Variants in MCPH1 observed in about 807,000 individuals in gnomAD.
MCPH1 encodes the protein microcephalin 1.
Under a neutral mutation model 84.5 loss-of-function variants are expected in MCPH1, and 104 were observed. The observed-to-expected ratio is 1.23, with a 90% CI of 1.05 to 1.45. MCPH1 has a LOEUF of 1.45. Ranked by LOEUF, MCPH1 falls within the 40% of genes most tolerant of loss-of-function variation. The pLI, the probability that MCPH1 is intolerant of heterozygous loss-of-function variation, is 0.00. For synonymous variants in MCPH1, 514 were observed against 366.8 expected (o/e 1.40, Z -4.58); for missense variants, 1,498 against 1,005.7 (o/e 1.49, Z -6.62).
At chr8:6,492,139 T>C (rs569087267) in intron 11 of MCPH1, among the ~76,000 whole-genome samples, 204 of 152,338 alleles carry the variant, frequency 1.3e-3, no homozygotes, top group African/African-American at 4.6e-3. Context: ...CCAGCACCTG[T>C]TGTTTCCTGA....
chr8:6,436,831 G>A (rs1359757089), intron 5 of MCPH1, among the ~76,000 whole-genome samples: 1 of 151,938 alleles, frequency 6.6e-6, no homozygotes, highest in African/African-American at 2.4e-5. Flanking sequence ...TTAGCTGGGA[G>A]TGGTGGCAGG....
chr8:6,631,399 A>G (rs1400453068), intron 13 of MCPH1, among the ~76,000 whole-genome samples: 1 of 152,198 alleles, frequency 6.6e-6, no homozygotes, highest in East Asian at 1.9e-4. Context: ...CAATCTATGG[A>G]GTAGGAGAAA....
chr8:6,505,966 TACATATTCTTTGTATATATAAAAAC>T (rs1187847398), intron 12 of MCPH1, among the ~76,000 whole-genome samples: 1 of 1,662 alleles, frequency 6.0e-4, no homozygotes, highest in Non-Finnish European at 3.5e-3. Context: ...TATAAAAACA[TACATATTCTTTGTATATATAAAAAC>T]ATATACATAT....
At position 6,455,184 on chromosome 8, in the gene MCPH1, T is replaced by G; in HGVS notation, c.1867T>G (p.Ser623Ala). ...AACAAGGCATGATGTTTTAGATGAC[T>G]CATGTGACGGCTTTAAGGACCTCAT... ...RPTRHDVLDD[S>A]CDGFKDLIKP... Residue 623 changes from serine to alanine, a missense_variant, in exon 9 of 14, where the codon TCA becomes GCA. By Grantham distance (99) the Ser-to-Ala change is moderately conservative. Transcript: ENST00000344683. The G allele has an allele frequency of 6.2e-7, 1 of 1,614,094 alleles. No homozygotes were observed. Among genetic ancestry groups the G allele is most frequent in the Non-Finnish European group, 8.5e-7 (1 of 1,179,976 alleles).
intron 6 of MCPH1, among the ~76,000 whole-genome samples, chr8:6,439,668 A>C (rs1469320645): frequency 1.3e-5 from 2 of 152,072 alleles, no homozygotes; most frequent in East Asian, 3.9e-4. Context: ...AACGGCTGGG[A>C]CTGTAATCCA....
intron 9 of MCPH1, among the ~76,000 whole-genome samples, chr8:6,466,830 C>G (rs1160345917): frequency 1.3e-5 from 2 of 151,378 alleles, no homozygotes; most frequent in Non-Finnish European, 2.9e-5. Flanking sequence ...CCCACCTTGG[C>G]CTTCCAAAGT....
At chr8:6,626,988 A>G in intron 13 of MCPH1, 1 of 969,226 alleles carries the variant, frequency 1.0e-6, no homozygotes, top group Non-Finnish European at 1.2e-6. Context: ...CATTGCCAAA[A>G]AAAAAAAAAA....
chr8:6,636,215 A>G, intron 13 of MCPH1, among the ~76,000 whole-genome samples: 1 of 151,848 alleles, frequency 6.6e-6, no homozygotes, highest in African/African-American at 2.4e-5. Flanking sequence ...TGGCACATGC[A>G]TGTAGTCCCA....
intron 12 of MCPH1, among the ~76,000 whole-genome samples, chr8:6,548,209 C>G (rs991571067): frequency 6.6e-6 from 1 of 152,052 alleles, no homozygotes; most frequent in African/African-American, 2.4e-5. Context: ...CTTTAGAAGG[C>G]CAAAGTTAGA....
rs1798273915 is a variant in MCPH1 at position 6,647,636 on chromosome 8, CATAA to C, written c.*4588_*4591del. On this transcript the variant is annotated 3_prime_UTR_variant, in exon 14 of 14. Transcript: ENST00000344683. ...CAACAACATGAATGAGCCTCAGAAA[CATAA>C]GTGAAAGAGGTCAGACACAAAAGAC... 6.6e-6 allele frequency: 1 copy of C among 151,840 alleles called. No individual in the cohort carries two copies. Among genetic ancestry groups the C allele is most frequent in the African/African-American group, 2.4e-5 (1 of 41,104 alleles). 9.4% of individuals were successfully genotyped at this position (151,840 alleles called of 1,614,324 possible). A position where few individuals can be genotyped will look rare whatever the true frequency, so the allele number is the denominator to read the frequency against.
At chr8:6,562,975 G>C in intron 12 of MCPH1, 6 of 1,547,588 alleles carry the variant, frequency 3.9e-6, no homozygotes, top group Non-Finnish European at 5.3e-6. Flanking sequence ...CAAACTTGAG[G>C]GCAAACACAC....
chr8:6,422,823 G>A (rs1016617308), intron 3 of MCPH1, among the ~76,000 whole-genome samples: 1 of 152,084 alleles, frequency 6.6e-6, no homozygotes, highest in Admixed American at 6.6e-5. Context: ...CGAGTAGCTG[G>A]GACTACCGGA....
intron 3 of MCPH1, among the ~76,000 whole-genome samples, chr8:6,419,262 G>A (rs760758638): frequency 3.3e-5 from 5 of 151,720 alleles, no homozygotes; most frequent in Non-Finnish European, 7.4e-5. Flanking sequence ...CTCTGTTGCC[G>A]AGGCTGGAAT....
At chr8:6,626,597 G>A (rs577452769) in intron 13 of MCPH1, 125 of 983,852 alleles carry the variant, frequency 1.3e-4, no homozygotes, top group Middle Eastern at 5.2e-4. Context: ...ACCTTTACCT[G>A]ATATTGATAA....
At chr8:6,491,774 G>C (rs954865427) in intron 11 of MCPH1, among the ~76,000 whole-genome samples, 2 of 151,958 alleles carry the variant, frequency 1.3e-5, no homozygotes, top group South Asian at 2.1e-4. Flanking sequence ...ATGGTTTCCA[G>C]CTTCATCCAT....
chr8:6,459,270 A>T (rs1806014949), intron 9 of MCPH1, among the ~76,000 whole-genome samples: 1 of 134,540 alleles, frequency 7.4e-6, no homozygotes, highest in Non-Finnish European at 1.5e-5. Flanking sequence ...GGAACTTAAC[A>T]CGGCCTTTTT....
At chr8:6,530,751 C>T (rs942979328) in intron 12 of MCPH1, among the ~76,000 whole-genome samples, 5 of 152,062 alleles carry the variant, frequency 3.3e-5, no homozygotes, top group Non-Finnish European at 5.9e-5. Flanking sequence ...ATTCTATTCT[C>T]TTATCTGTAA....
At chr8:6,408,586 G>T (rs1798074755) in intron 1 of MCPH1, among the ~76,000 whole-genome samples, 1 of 152,136 alleles carries the variant, frequency 6.6e-6, no homozygotes, top group Non-Finnish European at 1.5e-5. Context: ...TGCCCAGGCT[G>T]GAGTGCAATG....
In MCPH1 at chr8:6,409,315, G is replaced by T; in HGVS notation, c.59G>T (p.Gly20Val). 2 of 1,614,084 alleles carry T rather than the reference G, an allele frequency of 1.2e-6. No individual in the cohort carries two copies. Among genetic ancestry groups the T allele is most frequent in the South Asian group, 1.1e-5 (1 of 91,088 alleles). Residue 20 changes from glycine to valine, a missense_variant, in exon 2 of 14, where the codon GGA (glycine) becomes GTA (valine). Physicochemically the swap from Gly to Val is moderately radical, Grantham distance 109 (BLOSUM62 -3). Transcript: ENST00000344683. ...TATGTTGAAGTGTGGTCATCCAATGGAACAGAAAATTATTCAAAGACATTT... is the reference window on the plus strand; with the variant it reads ...TATGTTGAAGTGTGGTCATCCAATGTAACAGAAAATTATTCAAAGACATTT... ...VAYVEVWSSN[G>V]TENYSKTFTT...
Sources: allele counts gnomAD v4.1 joint callset (sites outside exome capture counted in the v4.1 genomes callset), GRCh38; gene constraint gnomAD v4.1.1; transcripts MANE v1.5; gene names NCBI Gene and HGNC (gene_info 2026-07-23, HGNC 2026-07-21).